The following ARV1 variants were observed in gnomAD, a reference collection of about 807,000 sequenced individuals.
ARV1 encodes the protein protein ARV1.
ARV1 carries 26 observed loss-of-function variants against 31.1 expected under a neutral mutation model. That is an observed-to-expected ratio of 0.84 (90% CI 0.61 to 1.16). The LOEUF (loss-of-function observed/expected upper bound fraction) is 1.16. Among genes scored for constraint, ARV1 ranks in the 50% most tolerant of loss-of-function variants. The probability of loss-of-function intolerance (pLI) is 0.00; values close to 1 mark genes in which losing one functional copy is unlikely to be tolerated. For missense variants in ARV1, 281 were observed against 324.9 expected, an observed-to-expected ratio of 0.86 and a Z score of 1.04; for synonymous variants, 117 against 123.2, an observed-to-expected ratio of 0.95 and a Z score of 0.34.
At chr1:230,997,889 C>T (rs893932530) in intron 5 of ARV1, among the ~76,000 whole-genome samples, 19 of 152,182 alleles carry the variant, frequency 1.2e-4, no homozygotes, top group African/African-American at 4.1e-4. Context: ...CAGAAGATGT[C>T]ATGCTGCTCC....
chr1:230,990,230 G>A lies in ARV1; in HGVS notation c.415G>A (p.Asp139Asn), dbSNP rs1679192525. Residue 139 changes from aspartate (D) to asparagine (N), a missense_variant, in exon 3 of 6, where the codon GAT (aspartate) becomes AAT (asparagine). Physicochemically the swap from Asp to Asn is conservative, Grantham distance 23 (BLOSUM62 1). Transcript: ENST00000310256. ...DDLIRYAKEW[D>N]FYRMFAIAAL... is the part of the protein sequence containing the mutation. ...CTTGATCAGATATGCTAAGGAATGG[G>A]ATTTCTATAGAATGTTTGCGATTGC... The A allele has an allele frequency of 3.7e-6, 6 of 1,612,864 alleles. No homozygotes were observed. Among genetic ancestry groups the A allele is most frequent in the East Asian group, 2.2e-5 (1 of 44,816 alleles).
At chr1:230,986,668 A>ATTTT (rs1162209283) in intron 1 of ARV1, among the ~76,000 whole-genome samples, 2 of 62,354 alleles carry the variant, frequency 3.2e-5, no homozygotes, top group Admixed American at 2.5e-4. Context: ...TACTTTTCCT[A>ATTTT]TTTTTTTTTT....
At chr1:230,984,342 T>TCG (rs1558241399) in intron 1 of ARV1, among the ~76,000 whole-genome samples, 2 of 85,076 alleles carry the variant, frequency 2.4e-5, no homozygotes, top group Non-Finnish European at 5.0e-5. Flanking sequence ...TTTGTTTGTT[T>TCG]CGTGTGTGTG....
chr1:230,993,329 C>T (rs577815758), intron 3 of ARV1, among the ~76,000 whole-genome samples: 3 of 152,302 alleles, frequency 2.0e-5, no homozygotes, highest in African/African-American at 4.8e-5. Context: ...CTCCTGGGCT[C>T]AAACAGTCCT....
intron 2 of ARV1, among the ~76,000 whole-genome samples, 164 bp from the exon 3 acceptor site, chr1:230,989,946 G>T (rs566185434): frequency 6.6e-6 from 1 of 152,294 alleles, no homozygotes; most frequent in East Asian, 1.9e-4. Context: ...GGACATTGCT[G>T]ATTAAAACTC....
intron 1 of ARV1, among the ~76,000 whole-genome samples, chr1:230,984,206 T>C (rs12047310): frequency 0.34 from 50,970 of 152,074 alleles, 8,813 homozygotes; most frequent in Middle Eastern, 0.57. Context: ...GACAAGATCC[T>C]GCCACTGCAC....
chr1:230,980,763 CA>C (rs35414845), intron 1 of ARV1, among the ~76,000 whole-genome samples: 226 of 138,502 alleles, frequency 1.6e-3, no homozygotes, highest in Admixed American at 2.5e-3. Context: ...CTTCTTCCAT[CA>C]AAAAAAAAAA....
intron 1 of ARV1, among the ~76,000 whole-genome samples, chr1:230,982,141 C>T (rs1018533893): frequency 5.9e-5 from 9 of 152,238 alleles, no homozygotes; most frequent in Admixed American, 2.6e-4. Flanking sequence ...TCACCCAGAA[C>T]AGCGACTGAC....
intron 3 of ARV1, among the ~76,000 whole-genome samples, chr1:230,991,388 C>G (rs1469766142): frequency 6.6e-6 from 1 of 152,126 alleles, no homozygotes. Flanking sequence ...CTCCAGACCT[C>G]CAGACTCTGC....
At position 230,983,784 on chromosome 1, in the gene ARV1, A is replaced by G. The variant is rs1053819024; in HGVS notation, c.174+4505A>G. ...CAGCAGGACAGAGGAAGTCATATCC[A>G]TGTTTAGACAGGTGATGGAAGCAGC... On this transcript the variant is annotated intron_variant, in intron 1 of 5. Coordinates refer to ENST00000310256, the MANE Select transcript of ARV1 (RefSeq NM_022786.3). Among the ~76,000 whole-genome samples the G allele has an allele frequency of 2.0e-5, 3 of 152,240 alleles. No homozygotes were observed. The East Asian group carries it at 5.8e-4, about 29-fold the overall frequency.
intron 1 of ARV1, 91 bp downstream of exon 1, chr1:230,979,370 TA>T (rs1472465960): frequency 6.3e-6 from 9 of 1,421,212 alleles, no homozygotes; most frequent in Non-Finnish European, 7.8e-6. Context: ...ATACAGTCTT[TA>T]GTTCGGTAGT....
chr1:230,990,461 AC>A, intron 3 of ARV1, 198 bp downstream of exon 3: 1 of 582,754 alleles, frequency 1.7e-6, no homozygotes, highest in East Asian at 3.2e-5. Flanking sequence ...ATTTGTTACC[AC>A]GTATATGGTA....
At position 230,995,866 on chromosome 1, in the gene ARV1, A is replaced by T. The variant is rs746625711; in HGVS notation, c.555A>T (p.Leu185Phe). 6.2e-7 allele frequency: 1 copy of T among 1,614,102 alleles called. No homozygotes were observed. Among genetic ancestry groups the T allele is most frequent in the South Asian group, 1.1e-5 (1 of 91,076 alleles). ...TTTTGCTGCTGAAAGCATTATTATTATCTAGCTACGGAAAACTCTTGCTGA... is the reference window on the plus strand; with the variant it reads ...TTTTGCTGCTGAAAGCATTATTATTTTCTAGCTACGGAAAACTCTTGCTGA... ...NFILLLKALL[L>F]SSYGKLLLIP... The change falls in exon 4 of 6, where the codon TTA (leucine) becomes TTT (phenylalanine). Residue 185 changes from leucine to phenylalanine, a missense_variant. Leu to Phe is a conservative substitution (Grantham distance 22). Coordinates refer to ENST00000310256, the MANE Select transcript of ARV1 (RefSeq NM_022786.3).
intron 1 of ARV1, among the ~76,000 whole-genome samples, chr1:230,982,043 T>A (rs760434337): frequency 9.2e-5 from 14 of 152,220 alleles, no homozygotes; most frequent in Non-Finnish European, 1.8e-4. Context: ...TGTATATAAT[T>A]GACTTAATGT....
intron 2 of ARV1, among the ~76,000 whole-genome samples, chr1:230,989,080 A>G (rs1273085965): frequency 3.3e-5 from 5 of 152,220 alleles, no homozygotes; most frequent in African/African-American, 4.8e-5. Context: ...TACTTATACA[A>G]TAAAAATGGA....
At chr1:230,985,876 A>G (rs1461919759) in intron 1 of ARV1, among the ~76,000 whole-genome samples, 1 of 152,036 alleles carries the variant, frequency 6.6e-6, no homozygotes, top group East Asian at 1.9e-4. Context: ...CAGGTAAAGA[A>G]CTGCAAAAAT....
chr1:230,985,921 A>AT (rs5781616), intron 1 of ARV1, among the ~76,000 whole-genome samples: 13,944 of 148,232 alleles, frequency 0.094, 672 homozygotes, highest in South Asian at 0.17. Flanking sequence ...ATTAAGCAGA[A>AT]TTTTTTTTTT....
intron 4 of ARV1, among the ~76,000 whole-genome samples, chr1:230,996,827 T>C (rs1182673315): frequency 6.6e-6 from 1 of 152,216 alleles, no homozygotes; most frequent in Non-Finnish European, 1.5e-5. Flanking sequence ...CATTTTGTTG[T>C]TGTTGTCGTT....
intron 1 of ARV1, among the ~76,000 whole-genome samples, chr1:230,984,478 TAGAG>T (rs1423817522): frequency 2.0e-5 from 3 of 149,748 alleles, no homozygotes; most frequent in East Asian, 2.0e-4. Context: ...AAGCAAATAA[TAGAG>T]GGAGAACAAG....
Sources: gnomAD v4.1 joint callset for allele counts (sites outside exome capture counted in the v4.1 genomes callset) on GRCh38, gnomAD v4.1.1 for gene constraint, MANE v1.5 for transcripts, NCBI Gene and HGNC (gene_info 2026-07-23, HGNC 2026-07-21) for gene names.